Variants in CCDC172 observed in about 807,000 individuals in gnomAD.
The protein encoded by CCDC172 is coiled-coil domain-containing protein 172.
Under a neutral mutation model 38.0 loss-of-function variants are expected in CCDC172, and 30 were observed. The observed-to-expected ratio is 0.79, with a 90% CI of 0.59 to 1.07. The LOEUF is 1.07. CCDC172 is among the 50% of genes least tolerant of loss of function. The pLI is 0.00. For synonymous variants in CCDC172, 78 were observed against 88.3 expected (o/e 0.88, Z 0.66); for missense variants, 297 against 290.1 (o/e 1.02, Z -0.17).
Position 116,342,154 on chromosome 10 carries a change from A to G in CCDC172, c.401A>G (p.Lys134Arg). ...KRELLMKENV[K>R]IEISDLENQA... ...GAGCTTTTGATGAAAGAAAATGTCA[A>G]GATTGAAATATCTGACTTAGAAAAC... is the stretch of plus-strand genomic sequence containing the variant. Residue 134 changes from lysine to arginine, a missense_variant, in exon 5 of 9, where the codon AAG (lysine) becomes AGG (arginine). Transcript: ENST00000333254. 1.3e-6 allele frequency: 2 copies of G among 1,540,700 alleles called. No homozygotes were observed. Among genetic ancestry groups the G allele is most frequent in the Non-Finnish European group, 1.7e-6 (2 of 1,154,372 alleles).
At position 116,364,836 on chromosome 10, in the gene CCDC172, G is replaced by A. The variant is rs780500924; in HGVS notation, c.653+6898G>A. The stretch of plus-strand genomic sequence containing the variant: ...AAATCTGTCCTTTCTACTTTAAATA[G>A]TAGTGTGTACAATTCTGTAGCTAAA... On this transcript the variant is annotated intron_variant, in intron 7 of 8. Coordinates refer to ENST00000333254, the MANE Select transcript of CCDC172 (RefSeq NM_198515.3). 5.3e-5 allele frequency among the ~76,000 whole-genome samples: 8 copies of A among 152,170 alleles called. No individual in the cohort carries two copies. In the East Asian group the frequency reaches 1.3e-3, roughly 26 times the overall value.
intron 1 of CCDC172, 44 bp from the exon 2 acceptor site, chr10:116,324,903 G>A: frequency 3.4e-6 from 3 of 887,248 alleles, no homozygotes; most frequent in Non-Finnish European, 5.4e-6. Context: ...GGTCTATCTG[G>A]GAATGGTTCT....
chr10:116,325,002 A>G lies in CCDC172; in HGVS notation c.-10A>G. 1 of 1,611,366 alleles carries G rather than the reference A, an allele frequency of 6.2e-7. No homozygotes were observed. Among genetic ancestry groups the G allele is most frequent in the East Asian group, 2.2e-5 (1 of 44,846 alleles). Reference sequence around the variant, plus strand: ...GGGCGAGAAAAGGATCGCAGGAGCCAGGCCCTGAGATGAGCTTGGAGTCCC... The same window carrying G: ...GGGCGAGAAAAGGATCGCAGGAGCCGGGCCCTGAGATGAGCTTGGAGTCCC... On this transcript the variant is annotated 5_prime_UTR_variant, in exon 2 of 9. Coordinates refer to ENST00000333254, the MANE Select transcript of CCDC172 (RefSeq NM_198515.3).
chr10:116,331,294 G>T (rs1404358895), intron 3 of CCDC172, among the ~76,000 whole-genome samples: 23 of 152,174 alleles, frequency 1.5e-4, no homozygotes. Flanking sequence ...TTTAGACTAT[G>T]AAGAGGTCAA....
At chr10:116,373,349 CAAAT>C (rs963628691) in intron 7 of CCDC172, among the ~76,000 whole-genome samples, 56 of 151,748 alleles carry the variant, frequency 3.7e-4, no homozygotes, top group African/African-American at 1.2e-3. Flanking sequence ...ATTAATGTAA[CAAAT>C]AAGTGACAAA....
At chr10:116,365,053 T>G (rs1845107002) in intron 7 of CCDC172, among the ~76,000 whole-genome samples, 1 of 152,188 alleles carries the variant, frequency 6.6e-6, no homozygotes. Context: ...GTGCCCTTAG[T>G]TCAGTGAGTG....
At chr10:116,325,219 C>T (rs1463771089) in intron 2 of CCDC172, 84 bp from the exon 3 acceptor site, 10 of 1,469,940 alleles carry the variant, frequency 6.8e-6, no homozygotes, top group Non-Finnish European at 9.5e-6. Flanking sequence ...GAGGGAAAGA[C>T]AACTGAAAGG....
At chr10:116,337,071 T>G (rs1463754855) in intron 3 of CCDC172, among the ~76,000 whole-genome samples, 3 of 150,884 alleles carry the variant, frequency 2.0e-5, no homozygotes, top group Admixed American at 6.6e-5. Flanking sequence ...AGAAGCAGAA[T>G]TAACCAGGGA....
Position 116,379,593 on chromosome 10 carries a change from G to T in CCDC172, c.*235G>T. 1 of 355,998 alleles carries T rather than the reference G, an allele frequency of 2.8e-6. No homozygotes were observed. The allele number at this position is 355,998 out of a possible 1,614,324, so 22.1% of individuals were successfully genotyped here. The stretch of plus-strand genomic sequence containing the variant: ...GGTTTGATTTTGTTTCTAAAAGAAG[G>T]AAAAGGAGAAGAAGTAGATACCGTG... On this transcript the variant is annotated 3_prime_UTR_variant, in exon 9 of 9. Coordinates refer to ENST00000333254, the MANE Select transcript of CCDC172 (RefSeq NM_198515.3).
chr10:116,369,300 C>T (rs1169600088), intron 7 of CCDC172, among the ~76,000 whole-genome samples: 1 of 151,874 alleles, frequency 6.6e-6, no homozygotes, highest in Non-Finnish European at 1.5e-5. Flanking sequence ...TAAAAAGATA[C>T]ATCCAGAGGT....
In CCDC172 at chr10:116,340,809, AGT is replaced by A; in HGVS notation, c.243_244del (p.Ser81ArgfsTer6). The A allele has an allele frequency of 6.2e-7, 1 of 1,602,656 alleles. No homozygotes were observed. Among genetic ancestry groups the A allele is most frequent in the Non-Finnish European group, 8.5e-7 (1 of 1,171,992 alleles). ...TGAAAATGCTTTAGAAAAACAGTAC[AGT>A]GAAATTACAAACCATAGGAATATGC... ...AHENALEKQY[S>X]EITNHRNMLL... On this transcript the variant is annotated frameshift_variant, in exon 4 of 9. Coordinates refer to ENST00000333254, the MANE Select transcript of CCDC172 (RefSeq NM_198515.3). LOFTEE classifies it high-confidence loss of function.
At chr10:116,326,596 T>A (rs952025464) in intron 3 of CCDC172, among the ~76,000 whole-genome samples, 1 of 152,210 alleles carries the variant, frequency 6.6e-6, no homozygotes, top group Non-Finnish European at 1.5e-5. Flanking sequence ...AAGCCTTCTT[T>A]ATTTATACAA....
chr10:116,363,451 A>G (rs565019080), intron 7 of CCDC172, among the ~76,000 whole-genome samples: 16 of 152,336 alleles, frequency 1.1e-4, no homozygotes, highest in Middle Eastern at 3.4e-3. Flanking sequence ...GAGTACTGAT[A>G]GTACTTTAAA....
chr10:116,377,834 T>C (rs185439373), intron 7 of CCDC172, among the ~76,000 whole-genome samples: 16 of 152,214 alleles, frequency 1.1e-4, no homozygotes, highest in Admixed American at 2.0e-4. Context: ...TAAGACATAG[T>C]ACTATATATT....
At chr10:116,339,610 T>C (rs1324302951) in intron 3 of CCDC172, among the ~76,000 whole-genome samples, 1 of 151,886 alleles carries the variant, frequency 6.6e-6, no homozygotes, top group African/African-American at 2.4e-5. Flanking sequence ...TTTCTTAAAA[T>C]TGGGTTGATG....
chr10:116,354,599 C>T (rs1003482795), intron 5 of CCDC172, among the ~76,000 whole-genome samples: 3 of 152,200 alleles, frequency 2.0e-5, no homozygotes, highest in African/African-American at 7.2e-5. Context: ...TGGCATGCAC[C>T]TGTAGTCCCA....
At chr10:116,358,368 T>C (rs1371531161) in intron 7 of CCDC172, among the ~76,000 whole-genome samples, 3 of 152,168 alleles carry the variant, frequency 2.0e-5, no homozygotes, top group South Asian at 2.1e-4. Flanking sequence ...AAAATGTATT[T>C]TCTGTATGGA....
intron 5 of CCDC172, among the ~76,000 whole-genome samples, chr10:116,345,555 T>G (rs1844855261): frequency 6.6e-6 from 1 of 152,166 alleles, no homozygotes; most frequent in African/African-American, 2.4e-5. Context: ...AATATTTGCA[T>G]TAAATATATC....
At chr10:116,356,711 G>T (rs1353415247) in intron 5 of CCDC172, among the ~76,000 whole-genome samples, 1 of 152,116 alleles carries the variant, frequency 6.6e-6, no homozygotes, top group East Asian at 1.9e-4. Flanking sequence ...GGCATTTTAG[G>T]TAGAAGAAAC....
Sources: allele counts gnomAD v4.1 joint callset (sites outside exome capture counted in the v4.1 genomes callset), GRCh38; gene constraint gnomAD v4.1.1; transcripts MANE v1.5; gene names NCBI Gene and HGNC (gene_info 2026-07-23, HGNC 2026-07-21).